The following GULP1 variants were observed in gnomAD, a reference collection of about 807,000 sequenced individuals.
The protein encoded by GULP1 is PTB domain-containing engulfment adapter protein 1.
GULP1 carries 19 observed loss-of-function variants against 40.9 expected under a neutral mutation model. The ratio of observed to expected loss-of-function variants is 0.46; its 90% confidence interval spans 0.32 to 0.68. GULP1 has a LOEUF of 0.68. Ranked by LOEUF, GULP1 falls within the 30% of genes least tolerant of loss-of-function variation. GULP1 has a pLI of 0.03. For synonymous variants in GULP1, 119 were observed against 117.6 expected, an observed-to-expected ratio of 1.01 and a Z score of -0.08; for missense variants, 312 against 362.2, an observed-to-expected ratio of 0.86 and a Z score of 1.12.
chr2:188,378,163 T>C (rs891778539), intron 1 of GULP1, among the ~76,000 whole-genome samples: 19 of 152,044 alleles, frequency 1.2e-4, no homozygotes, highest in African/African-American at 4.6e-4. Flanking sequence ...AGGCATATCC[T>C]GTCAAGGCAA....
At chr2:188,390,217 G>A (rs968521592) in intron 2 of GULP1, among the ~76,000 whole-genome samples, 9 of 152,070 alleles carry the variant, frequency 5.9e-5, no homozygotes, top group African/African-American at 1.9e-4. Context: ...CATAGATATT[G>A]TACTGATTTA....
chr2:188,403,418 T>A, intron 2 of GULP1, among the ~76,000 whole-genome samples: 1 of 152,160 alleles, frequency 6.6e-6, no homozygotes, highest in East Asian at 1.9e-4. Flanking sequence ...TGCAGGATAA[T>A]GAAGTGATTC....
At chr2:188,484,159 C>A (rs967973404) in intron 4 of GULP1, among the ~76,000 whole-genome samples, 2 of 152,140 alleles carry the variant, frequency 1.3e-5, no homozygotes, top group African/African-American at 4.8e-5. Flanking sequence ...CCACCTGCCT[C>A]AGCCCCCCAA....
chr2:188,394,435 A>G (rs991691928), intron 2 of GULP1, among the ~76,000 whole-genome samples: 5 of 152,002 alleles, frequency 3.3e-5, no homozygotes, highest in African/African-American at 1.2e-4. Context: ...CATATCCTGA[A>G]TTTAAAAAAA....
chr2:188,334,019 A>G (rs977137906), intron 1 of GULP1, among the ~76,000 whole-genome samples: 2 of 152,146 alleles, frequency 1.3e-5, no homozygotes, highest in African/African-American at 4.8e-5. Context: ...CCTAAAGACT[A>G]GGGAATTTCT....
chr2:188,392,939 A>G (rs1054942483), intron 2 of GULP1, among the ~76,000 whole-genome samples: 2 of 151,972 alleles, frequency 1.3e-5, no homozygotes, highest in African/African-American at 4.8e-5. Context: ...TTCTCCTGTG[A>G]TCTGAGAAGT....
At chr2:188,352,157 T>G (rs2044538093) in intron 1 of GULP1, among the ~76,000 whole-genome samples, 1 of 152,136 alleles carries the variant, frequency 6.6e-6, no homozygotes, top group Non-Finnish European at 1.5e-5. Context: ...TGCCTAGACA[T>G]TTGGTCAAAT....
intron 1 of GULP1, among the ~76,000 whole-genome samples, chr2:188,309,639 A>G (rs1233854828): frequency 6.6e-6 from 1 of 152,166 alleles, no homozygotes; most frequent in African/African-American, 2.4e-5. Flanking sequence ...ATTGTTGAAG[A>G]GTATCCCATA....
At chr2:188,538,808 A>C (rs569093477) in intron 6 of GULP1, among the ~76,000 whole-genome samples, 3 of 152,010 alleles carry the variant, frequency 2.0e-5, no homozygotes, top group African/African-American at 4.8e-5. Context: ...CTATTCAAGG[A>C]CATATACATA....
chr2:188,528,225 A>G (rs890470952), intron 5 of GULP1, among the ~76,000 whole-genome samples: 2 of 152,140 alleles, frequency 1.3e-5, no homozygotes, highest in Non-Finnish European at 2.9e-5. Context: ...GCATGGGCTA[A>G]CGTGTATACT....
At chr2:188,459,465 T>C (rs2152955319) in intron 2 of GULP1, among the ~76,000 whole-genome samples, 1 of 152,272 alleles carries the variant, frequency 6.6e-6, no homozygotes, top group East Asian at 1.9e-4. Flanking sequence ...TCATTTTGTG[T>C]CTCCTTTTGA....
intron 2 of GULP1, among the ~76,000 whole-genome samples, chr2:188,407,336 A>G (rs1315952980): frequency 6.6e-6 from 1 of 152,232 alleles, no homozygotes; most frequent in Non-Finnish European, 1.5e-5. Flanking sequence ...GTAAAAGTAA[A>G]TACACAGTCT....
chr2:188,362,413 A>G (rs894230334), intron 1 of GULP1, among the ~76,000 whole-genome samples: 2 of 152,082 alleles, frequency 1.3e-5, no homozygotes, highest in African/African-American at 4.8e-5. Flanking sequence ...ATGTTTTTCT[A>G]CATATATTAC....
chr2:188,401,493 G>A (rs765415507), intron 2 of GULP1, among the ~76,000 whole-genome samples: 10 of 151,996 alleles, frequency 6.6e-5, no homozygotes, highest in Non-Finnish European at 1.5e-4. Context: ...TTTATAAGTT[G>A]TTAGCACATA....
At chr2:188,542,740 T>C (rs1690869297) in intron 7 of GULP1, among the ~76,000 whole-genome samples, 2 of 152,180 alleles carry the variant, frequency 1.3e-5, no homozygotes, top group African/African-American at 4.8e-5. Context: ...AATGAATAAA[T>C]AAAATTTACA....
At chr2:188,525,568 G>A (rs1056726075) in intron 5 of GULP1, among the ~76,000 whole-genome samples, 1 of 151,964 alleles carries the variant, frequency 6.6e-6, no homozygotes, top group African/African-American at 2.4e-5. Flanking sequence ...GGGGCTGAAT[G>A]TATTTCATAC....
intron 7 of GULP1, among the ~76,000 whole-genome samples, chr2:188,560,359 G>A (rs1695919019): frequency 1.3e-5 from 2 of 152,160 alleles, no homozygotes; most frequent in Non-Finnish European, 2.9e-5. Flanking sequence ...TTCCCAATAA[G>A]TTCATCATTT....
intron 1 of GULP1, among the ~76,000 whole-genome samples, chr2:188,355,147 G>A (rs909833255): frequency 6.6e-6 from 1 of 151,662 alleles, no homozygotes; most frequent in African/African-American, 2.4e-5. Context: ...AGAAAAGCAA[G>A]AACAAACCAA....
intron 1 of GULP1, among the ~76,000 whole-genome samples, chr2:188,301,223 T>C (rs1259286771): frequency 6.6e-6 from 1 of 152,162 alleles, no homozygotes; most frequent in African/African-American, 2.4e-5. Flanking sequence ...AGGTTCTCAC[T>C]GTGTTGCCCA....
Sources: allele counts gnomAD v4.1 joint callset (sites outside exome capture counted in the v4.1 genomes callset), GRCh38; gene constraint gnomAD v4.1.1; transcripts MANE v1.5; gene names NCBI Gene and HGNC (gene_info 2026-07-23, HGNC 2026-07-21).